DST: variants seen among roughly 807,000 people sequenced by gnomAD.
DST encodes the protein bullous pemphigoid antigen.
DST carries 253 observed loss-of-function variants against 875.2 expected under a neutral mutation model. That is an observed-to-expected ratio of 0.29 (90% confidence interval 0.26 to 0.32). DST has a LOEUF of 0.32. DST is among the 10% of genes least tolerant of loss of function. DST has a pLI of 1.00. For synonymous variants in DST, 3,124 were observed against 3,197.1 expected, an observed-to-expected ratio of 0.98 and a Z score of 0.77; for missense variants, 8,287 against 9,111.6, an observed-to-expected ratio of 0.91 and a Z score of 3.68.
At position 56,572,806 on chromosome 6, in the gene DST, C is replaced by G. The variant is rs1260685903; in HGVS notation, c.13495G>C (p.Ala4499Pro). The change falls in exon 52 of 104, where the codon GCT becomes CCT. Residue 4499 changes from alanine (A) to proline (P), a missense_variant. Coordinates refer to ENST00000680361, the MANE Select transcript of DST (RefSeq NM_001374736.1). ...LQTFLETKTQ[A>P]LTEVDVPGKD... Reference sequence around the variant, plus strand: ...CCTGGCACATCTACTTCAGTAAGAGCCTGAGTTTTTGTTTCTAAAAATGTC... The same window carrying G: ...CCTGGCACATCTACTTCAGTAAGAGGCTGAGTTTTTGTTTCTAAAAATGTC... 6.2e-7 allele frequency: 1 copy of G among 1,610,548 alleles called. No individual in the cohort carries two copies. Among genetic ancestry groups the G allele is most frequent in the South Asian group, 1.1e-5 (1 of 90,160 alleles).
At chr6:56,508,450 C>G in intron 75 of DST, 79 bp downstream of exon 75, 1 of 1,134,338 alleles carries the variant, frequency 8.8e-7, no homozygotes, top group South Asian at 1.3e-5. Context: ...CAGAGTAACT[C>G]CTAACATTTA....
rs556517774 is a variant in DST, at chr6:56,595,956, G to T, written c.12196-1763C>A. On this transcript the variant is annotated intron_variant, in intron 47 of 103. Coordinates refer to ENST00000680361, the MANE Select transcript of DST (RefSeq NM_001374736.1). Reference sequence around the variant, plus strand: ...AACTACTGAAAGCTAGACGTTCCTGGCTCAGGTGCTTTGGCCCTCTCTCCA... The same window carrying T: ...AACTACTGAAAGCTAGACGTTCCTGTCTCAGGTGCTTTGGCCCTCTCTCCA... Among the ~76,000 whole-genome samples the T allele has an allele frequency of 2.7e-4, 41 of 152,162 alleles. No individual in the cohort carries two copies. In the Middle Eastern group the frequency reaches 0.014, roughly 50 times the overall value.
At chr6:56,873,632 C>CT (rs1778347671) in intron 3 of DST, among the ~76,000 whole-genome samples, 1 of 152,082 alleles carries the variant, frequency 6.6e-6, no homozygotes, top group Admixed American at 6.6e-5. Context: ...AAAATATTGC[C>CT]TGTTCTCACT....
Position 56,494,075 on chromosome 6 carries a change from C to G in DST, c.20329G>C (p.Asp6777His). The stretch of plus-strand genomic sequence containing the variant: ...TCTTTCAAGTTATTTATGTCTTGGT[C>G]AATATTTGTCTCTGCAGATTTTGGG... Reference protein sequence around the residue: ...RCPKSAETNIDQDINNLKEKW... With the variant: ...RCPKSAETNIHQDINNLKEKW... The change falls in exon 83 of 104, where the codon GAC becomes CAC. Residue 6777 changes from aspartate to histidine, a missense_variant. Asp to His is a moderately conservative substitution (Grantham distance 81, BLOSUM62 -1). Coordinates refer to ENST00000680361, the MANE Select transcript of DST (RefSeq NM_001374736.1). 1 of 1,609,856 alleles carries G rather than the reference C, an allele frequency of 6.2e-7. No homozygotes were observed.
intron 4 of DST, among the ~76,000 whole-genome samples, chr6:56,821,946 C>T (rs938669449): frequency 6.6e-6 from 1 of 151,966 alleles, no homozygotes; most frequent in Non-Finnish European, 1.5e-5. Context: ...CAAAGACTTT[C>T]ATCAAAGTCT....
chr6:56,594,033 A>G lies in DST; in HGVS notation c.12356T>C (p.Leu4119Pro), dbSNP rs1410871987. 6 of 1,613,798 alleles carry G rather than the reference A, an allele frequency of 3.7e-6. No individual in the cohort carries two copies. The highest frequency in any genetic ancestry group is 5.1e-6 in the Non-Finnish European group (6 of 1,179,850). ...CTTCATTTTCTTCTCTGACTCAGCC[A>G]GTGCAGTTTCATAATGCACTTTCAG... ...KELKVHYETALAESEKKMKLT... is the reference protein window; with the variant it reads ...KELKVHYETAPAESEKKMKLT... Residue 4119 changes from leucine to proline, a missense_variant, in exon 48 of 104, where the codon CTG becomes CCG. Physicochemically the swap from Leu to Pro is moderately conservative, Grantham distance 98. This residue lies in a region of DST where 1,513 missense variants were observed against 1,677.8 expected (regional missense o/e 0.90). Transcript: ENST00000680361.
At position 56,635,721 on chromosome 6, in the gene DST, AAAG is replaced by A. The variant is rs2098817820; in HGVS notation, c.3061-10_3061-8del. ...CTTTGGCATCATTGAAAAACTAAGG[AAAG>A]ATGAAACCTGGAAGTTAAAGTATGT... On this transcript the variant is annotated splice_region_variant and splice_polypyrimidine_tract_variant and intron_variant, in intron 23 of 103. Transcript: ENST00000680361. The A allele has an allele frequency of 3.1e-6, 5 of 1,613,444 alleles. No individual in the cohort carries two copies. The highest frequency in any genetic ancestry group is 4.2e-6 in the Non-Finnish European group (5 of 1,179,814).
intron 4 of DST, among the ~76,000 whole-genome samples, chr6:56,802,476 T>A (rs532861797): frequency 6.6e-5 from 10 of 152,240 alleles, no homozygotes; most frequent in African/African-American, 2.4e-4. Context: ...CATGTATATA[T>A]ATATACATAT....
In DST at chr6:56,460,938, T is replaced by G. The variant is rs138677978; in HGVS notation, c.23071-684A>C. 4 of 150,874 alleles carry G rather than the reference T, an allele frequency of 2.7e-5. No individual in the cohort carries two copies. In the East Asian group the frequency reaches 8.1e-4, roughly 30 times the overall value. The allele number at this position is 150,874 out of a possible 1,614,324, so 9.3% of individuals were successfully genotyped here. The stretch of plus-strand genomic sequence containing the variant: ...AGTTTGTAGAGAATGTCTAAAACAA[T>G]CATAAGTATGAGATTTTATTATACA... On this transcript the variant is annotated intron_variant, in intron 102 of 103. Coordinates refer to ENST00000680361, the MANE Select transcript of DST (RefSeq NM_001374736.1).
chr6:56,840,940 C>T (rs1167405489), intron 4 of DST, among the ~76,000 whole-genome samples: 3 of 152,126 alleles, frequency 2.0e-5, no homozygotes, highest in Non-Finnish European at 2.9e-5. Flanking sequence ...TAGATGAATG[C>T]AAACTCATTC....
chr6:56,562,111 C>A, intron 56 of DST, 27 bp downstream of exon 56: 2 of 1,386,966 alleles, frequency 1.4e-6, no homozygotes, highest in South Asian at 1.4e-5. Context: ...TTACATTAAT[C>A]AGTAACAAAT....
intron 47 of DST, 116 bp downstream of exon 47, chr6:56,597,624 C>T (rs1468740240): frequency 9.5e-7 from 1 of 1,048,302 alleles, no homozygotes; most frequent in Non-Finnish European, 1.3e-6. Flanking sequence ...ATGATGAACA[C>T]AGAAAAAAAC....
intron 4 of DST, among the ~76,000 whole-genome samples, chr6:56,809,735 T>C (rs1396210472): frequency 6.6e-6 from 1 of 152,218 alleles, no homozygotes; most frequent in Non-Finnish European, 1.5e-5. Context: ...AGCTTAATTA[T>C]GTTTACCACC....
chr6:56,545,372 A>G (rs2097206187), intron 61 of DST, among the ~76,000 whole-genome samples: 1 of 151,756 alleles, frequency 6.6e-6, no homozygotes, highest in African/African-American at 2.4e-5. Flanking sequence ...AATAGCCAAC[A>G]CTATTATTTC....
intron 61 of DST, among the ~76,000 whole-genome samples, chr6:56,539,158 C>A (rs2097074050): frequency 6.6e-6 from 1 of 152,020 alleles, no homozygotes; most frequent in South Asian, 2.1e-4. Context: ...ATTAAATTGC[C>A]TTAACCTCTG....
intron 72 of DST, among the ~76,000 whole-genome samples, chr6:56,513,670 C>G (rs1417790875): frequency 6.6e-6 from 1 of 152,104 alleles, no homozygotes; most frequent in Non-Finnish European, 1.5e-5. Context: ...GGCCGAGGAG[C>G]CTTTTTTAAA....
intron 3 of DST, among the ~76,000 whole-genome samples, chr6:56,889,276 C>T (rs890668469): frequency 2.6e-5 from 4 of 152,160 alleles, no homozygotes; most frequent in Non-Finnish European, 5.9e-5. Flanking sequence ...TTATTTCAAA[C>T]TTCACATATC....
intron 17 of DST, 74 bp downstream of exon 17, chr6:56,641,873 T>C (rs1216397462): frequency 1.7e-6 from 2 of 1,196,274 alleles, no homozygotes; most frequent in East Asian, 2.4e-5. Flanking sequence ...TTTCATACTC[T>C]ACATTCCTAT....
intron 61 of DST, among the ~76,000 whole-genome samples, chr6:56,550,198 G>A (rs1486345616): frequency 3.9e-5 from 6 of 151,924 alleles, no homozygotes; most frequent in African/African-American, 1.5e-4. Flanking sequence ...TTTTACCTAT[G>A]GCACTGGAAT....
Sources: gnomAD v4.1 joint callset for allele counts (sites outside exome capture counted in the v4.1 genomes callset) on GRCh38, gnomAD v4.1.1 for gene constraint, gnomAD v4.1.1 regional missense constraint, MANE v1.5 for transcripts, NCBI Gene and HGNC (gene_info 2026-07-23, HGNC 2026-07-21) for gene names.